The following TUBGCP2 variants were observed in gnomAD, a reference collection of about 807,000 sequenced individuals.
TUBGCP2 encodes the protein tubulin gamma complex component 2.
In TUBGCP2, 55 loss-of-function variants were observed where a neutral mutation model predicts 92.2. The ratio of observed to expected loss-of-function variants is 0.60; its 90% CI spans 0.48 to 0.75. TUBGCP2 has a LOEUF of 0.75. Ranked by LOEUF, TUBGCP2 falls within the 30% of genes least tolerant of loss-of-function variation. TUBGCP2 has a pLI of 0.00. For missense variants in TUBGCP2, 1,093 were observed against 1,188.9 expected (o/e 0.92, Z 1.19); for synonymous variants, 533 against 505.2 (o/e 1.06, Z -0.74).
chr10:133,308,902 C>T, upstream of TUBGCP2: 2 of 1,206,452 alleles, frequency 1.7e-6, no homozygotes, highest in South Asian at 4.2e-5. Context: ...GCTCGGCTCG[C>T]GGACGGTGGC....
At chr10:133,283,044 T>G in intron 15 of TUBGCP2, 34 bp downstream of exon 15, 1 of 1,611,248 alleles carries the variant, frequency 6.2e-7, no homozygotes. Flanking sequence ...CACCCGCGCC[T>G]GCCCACCCGA....
At chr10:133,298,141 A>G in intron 4 of TUBGCP2, 30 bp from the exon 5 acceptor site, 5 of 1,607,118 alleles carry the variant, frequency 3.1e-6, no homozygotes, top group Non-Finnish European at 4.3e-6. Flanking sequence ...AAACAAAACC[A>G]GAAAGATACA....
intron 1 of TUBGCP2, among the ~76,000 whole-genome samples, chr10:133,308,151 G>A (rs1847872858): frequency 6.6e-6 from 1 of 152,188 alleles, no homozygotes; most frequent in Non-Finnish European, 1.5e-5. Context: ...CTCTGCAGTA[G>A]ATCTGAAGCG....
In TUBGCP2 at chr10:133,281,261, G is replaced by A; in HGVS notation, c.2573+12C>T. The A allele has an allele frequency of 6.2e-7, 1 of 1,608,080 alleles. No homozygotes were observed. The highest frequency in any genetic ancestry group is 8.5e-7 in the Non-Finnish European group (1 of 1,179,530). ...GCTGAGGAAGGGCTGAGCCGGGGTG[G>A]CGCCCACCCACCTGGAGATGACGCT... On this transcript the variant is annotated intron_variant, in intron 17 of 17. Transcript: ENST00000252936.
upstream of TUBGCP2, chr10:133,311,641 T>C: frequency 7.8e-7 from 1 of 1,285,380 alleles, no homozygotes; most frequent in South Asian, 1.3e-5. Context: ...GTTTCTTTCT[T>C]GCATGTTCAT....
chr10:133,300,176 C>T (rs1847608597), intron 2 of TUBGCP2, 63 bp from the exon 3 acceptor site: 2 of 1,569,396 alleles, frequency 1.3e-6, no homozygotes, highest in Non-Finnish European at 1.7e-6. Flanking sequence ...AAAAAAAAAC[C>T]TTTACGAAAA....
chr10:133,309,553 C>T, upstream of TUBGCP2: 2 of 1,441,718 alleles, frequency 1.4e-6, no homozygotes, highest in South Asian at 2.5e-5. Flanking sequence ...GCCGCTCTTC[C>T]ATGTGCGGCC....
At chr10:133,282,386 C>T in intron 15 of TUBGCP2, 44 bp from the exon 16 acceptor site, 2 of 1,544,998 alleles carry the variant, frequency 1.3e-6, no homozygotes, top group Non-Finnish European at 1.7e-6. Context: ...TTAGTTACAA[C>T]CACAATGCTT....
chr10:133,293,830 T>C (rs1011964391), intron 5 of TUBGCP2, 61 bp from the exon 6 acceptor site: 55 of 1,457,752 alleles, frequency 3.8e-5, no homozygotes, highest in Non-Finnish European at 5.0e-5. Context: ...CACAGCCACG[T>C]GCCCTCATCT....
rs755717429 is a variant in TUBGCP2 at position 133,279,754 on chromosome 10, C to A, written c.*12G>T. ...CTGACCCCACACCCTTCCTTCCTGTCACAGCCAGGGCTCACTGTGCGGTGA... is the reference window on the plus strand; with the variant it reads ...CTGACCCCACACCCTTCCTTCCTGTAACAGCCAGGGCTCACTGTGCGGTGA... On this transcript the variant is annotated 3_prime_UTR_variant, in exon 18 of 18. Coordinates refer to ENST00000252936, the MANE Select transcript of TUBGCP2 (RefSeq NM_006659.4). The A allele has an allele frequency of 9.7e-6, 15 of 1,549,046 alleles. No homozygotes were observed. Among genetic ancestry groups the A allele is most frequent in the Non-Finnish European group, 1.3e-5 (15 of 1,145,898 alleles).
In TUBGCP2 at chr10:133,289,811, C is replaced by CGCTGTGCCGCGGACGCCAAGTCCCTGCCT. The variant is rs1847232495; in HGVS notation, c.1360+12_1360+13insAGGCAGGGACTTGGCGTCCGCGGCACAGC. ...GTGCTGCGCACCCCAAGTCCCCGCC[C>CGCTGTGCCGCGGACGCCAAGTCCCTGCCT]GCTGCGCCGCACCTGTGCTGAGGAT... is the stretch of plus-strand genomic sequence containing the variant. On this transcript the variant is annotated intron_variant, in intron 9 of 17. Transcript: ENST00000252936. The CGCTGTGCCGCGGACGCCAAGTCCCTGCCT allele has an allele frequency of 1.2e-6, 2 of 1,610,204 alleles. No individual in the cohort carries two copies. Among genetic ancestry groups the CGCTGTGCCGCGGACGCCAAGTCCCTGCCT allele is most frequent in the African/African-American group, 2.7e-5 (2 of 74,330 alleles).
At chr10:133,292,951 G>C in intron 7 of TUBGCP2, 88 bp downstream of exon 7, 1 of 1,436,272 alleles carries the variant, frequency 7.0e-7, no homozygotes, top group Non-Finnish European at 9.5e-7. Flanking sequence ...GCTGCTCCAC[G>C]GCCCCTGCAG....
At chr10:133,306,877 G>A (rs1049202065) in intron 1 of TUBGCP2, among the ~76,000 whole-genome samples, 2 of 152,208 alleles carry the variant, frequency 1.3e-5, no homozygotes, top group Non-Finnish European at 2.9e-5. Flanking sequence ...CACGTCATGA[G>A]TGTTCATCCC....
chr10:133,285,007 AG>A lies in TUBGCP2; in HGVS notation c.2024+77del, dbSNP rs924072218. On this transcript the variant is annotated intron_variant, in intron 13 of 17. Transcript: ENST00000252936. This position sits in a 1 kb window ranked among gnomAD's most constrained non-coding sequence, Gnocchi z 6.8. ...GAAAGCTGTCTACCAGGAGGGCACA[AG>A]GGGGGCGCTGCACCACTGGGCAGAG... 6 of 1,512,498 alleles carry A rather than the reference AG, an allele frequency of 4.0e-6. No individual in the cohort carries two copies. The highest frequency in any genetic ancestry group is 2.8e-5 in the African/African-American group (2 of 72,410). The allele number at this position is 1,512,498 out of a possible 1,614,324, so 93.7% of individuals were successfully genotyped here.
chr10:133,305,793 T>C (rs1847802511), intron 1 of TUBGCP2, among the ~76,000 whole-genome samples: 1 of 152,248 alleles, frequency 6.6e-6, no homozygotes, highest in South Asian at 2.1e-4. Context: ...TGGTGCTGAG[T>C]TGCTCACACA....
Position 133,285,956 on chromosome 10 carries a change from A to C in TUBGCP2, c.1723-328T>G, listed in dbSNP as rs74164140. Among the ~76,000 whole-genome samples, 9,184 of 152,170 alleles carry C rather than the reference A, an allele frequency of 0.06. 377 individuals are homozygous for C. Among genetic ancestry groups the C allele is most frequent in the African/African-American group, 0.11 (4,731 of 41,498 alleles). On this transcript the variant is annotated intron_variant, in intron 11 of 17. Coordinates refer to ENST00000252936, the MANE Select transcript of TUBGCP2 (RefSeq NM_006659.4). The surrounding 1 kb of genome is among the most constrained non-coding windows in gnomAD (Gnocchi z 6.8). ...AGGACGAAAACCTTTGTACCATGAT[A>C]AGCACCAGGCCCAGGTTGAAAAATG...
intron 15 of TUBGCP2, 144 bp downstream of exon 15, chr10:133,282,934 G>A (rs1349535595): frequency 1.7e-6 from 2 of 1,187,244 alleles, no homozygotes; most frequent in Non-Finnish European, 2.3e-6. Context: ...GGAAGACCAG[G>A]AGTTCTGGAA....
At position 133,285,115 on chromosome 10, in the gene TUBGCP2, G is replaced by A. The variant is rs141995128; in HGVS notation, c.1994C>T (p.Ala665Val). ...GGCGGAGTGCAGCGAGTGCTGCTTG[G>A]CGGTTTTGTTGCTGATCCAGACGCT... ...LCSVWISNKTAKQHSLHSAQW... is the reference protein window; with the variant it reads ...LCSVWISNKTVKQHSLHSAQW... The change falls in exon 13 of 18, where the codon GCC becomes GTC. Residue 665 changes from alanine to valine, a missense_variant. Coordinates refer to ENST00000252936, the MANE Select transcript of TUBGCP2 (RefSeq NM_006659.4). This position sits in a 1 kb window ranked among gnomAD's most constrained non-coding sequence, Gnocchi z 6.8. 36 of 1,611,074 alleles carry A rather than the reference G, an allele frequency of 2.2e-5. No homozygotes were observed. Among genetic ancestry groups the A allele is most frequent in the Non-Finnish European group, 2.6e-5 (31 of 1,178,098 alleles).
chr10:133,282,133 G>A, intron 16 of TUBGCP2, 90 bp downstream of exon 16: 1 of 1,580,280 alleles, frequency 6.3e-7, no homozygotes, highest in Non-Finnish European at 8.6e-7. Flanking sequence ...GTAAAAGGGG[G>A]GAGGTTTGTT....
Sources: gnomAD v4.1 joint callset for allele counts (sites outside exome capture counted in the v4.1 genomes callset) on GRCh38, gnomAD v4.1.1 for gene constraint, Gnocchi (gnomAD v3.1) non-coding constraint, MANE v1.5 for transcripts, NCBI Gene and HGNC (gene_info 2026-07-23, HGNC 2026-07-21) for gene names.